Variants in VIPAS39 observed in about 807,000 individuals in gnomAD.
The protein encoded by VIPAS39 is VPS33B interacting protein, apical-basolateral polarity regulator, spe-39 homolog.
A neutral mutation model predicts 84.7 loss-of-function variants in VIPAS39; 63 were observed. The observed-to-expected ratio is 0.74, with a 90% CI of 0.61 to 0.92. The LOEUF is 0.92. Ranked by LOEUF, VIPAS39 falls within the 40% of genes least tolerant of loss-of-function variation. The pLI is 0.00. For synonymous variants in VIPAS39, 192 were observed against 216.5 expected (o/e 0.89, Z 0.99); for missense variants, 499 against 604.5 (o/e 0.83, Z 1.83).
chr14:77,457,475 G>A lies in VIPAS39; in HGVS notation c.-1+20C>T, dbSNP rs1289707218. 3.6e-6 allele frequency: 5 copies of A among 1,405,798 alleles called. No individual in the cohort carries two copies. The African/African-American group carries it at 4.3e-5, about 12-fold the overall frequency. 87.1% of individuals were successfully genotyped at this position (1,405,798 alleles called of 1,614,324 possible). A position where few individuals can be genotyped will look rare whatever the true frequency, so the allele number is the denominator to read the frequency against. Reference sequence around the variant, plus strand: ...GGATCCAGCCAGATACGCGACCCAAGGGGCTTGGGACACCCTCACCTCTTC... The same window carrying A: ...GGATCCAGCCAGATACGCGACCCAAAGGGCTTGGGACACCCTCACCTCTTC... On this transcript the variant is annotated intron_variant, in intron 1 of 19. Coordinates refer to ENST00000557658, the MANE Select transcript of VIPAS39 (RefSeq NM_001193315.2).
intron 7 of VIPAS39, 53 bp from the exon 8 acceptor site, chr14:77,444,394 T>C: frequency 6.7e-7 from 1 of 1,492,346 alleles, no homozygotes; most frequent in Non-Finnish European, 9.3e-7. Context: ...TCTTTATTCC[T>C]TTGTTGCTGG....
intron 11 of VIPAS39, among the ~76,000 whole-genome samples, chr14:77,438,508 C>T (rs200204305): frequency 6.6e-6 from 1 of 152,194 alleles, no homozygotes; most frequent in East Asian, 1.9e-4. Context: ...GGATTACAGG[C>T]GTGAGCCACC....
At chr14:77,431,945 A>G (rs1566722543) in intron 16 of VIPAS39, among the ~76,000 whole-genome samples, 2 of 152,228 alleles carry the variant, frequency 1.3e-5, no homozygotes. Context: ...GAAACAACTT[A>G]AGTGTCCATT....
In VIPAS39 at chr14:77,454,094, C is replaced by T; in HGVS notation, c.9G>A (p.Arg3=). The change falls in exon 2 of 20, where the codon CGG becomes CGA. Residue 3 remains arginine (R), a synonymous_variant. Transcript: ENST00000557658. Reference sequence around the variant, plus strand: ...AATACTCCTCCTCATCACCCTTTGTCCGATTCATCTACAGTGACAGGAAAA... The same window carrying T: ...AATACTCCTCCTCATCACCCTTTGTTCGATTCATCTACAGTGACAGGAAAA... MN[R]TKGDEEEYWN... 1 of 1,614,130 alleles carries T rather than the reference C, an allele frequency of 6.2e-7. No individual in the cohort carries two copies. The highest frequency in any genetic ancestry group is 1.1e-5 in the South Asian group (1 of 91,080).
At chr14:77,443,438 G>C (rs2078734296) in intron 8 of VIPAS39, among the ~76,000 whole-genome samples, 1 of 152,126 alleles carries the variant, frequency 6.6e-6, no homozygotes, top group African/African-American at 2.4e-5. Flanking sequence ...AACCTTGTGT[G>C]TCTTGGTTAC....
At chr14:77,457,393 C>T in intron 1 of VIPAS39, 102 bp downstream of exon 1, 7 of 1,535,596 alleles carry the variant, frequency 4.6e-6, no homozygotes, top group South Asian at 1.2e-5. Flanking sequence ...GGCCTGTAGT[C>T]ATAGGGTGTA....
chr14:77,435,203 A>G, intron 14 of VIPAS39, 56 bp downstream of exon 14: 1 of 1,611,618 alleles, frequency 6.2e-7, no homozygotes, highest in Admixed American at 1.7e-5. Flanking sequence ...CTGGATTTGA[A>G]CTATCTTCTT....
In VIPAS39 at chr14:77,429,055, G is replaced by A. The variant is rs143222977; in HGVS notation, c.1307C>T (p.Thr436Met). The change falls in exon 18 of 20, where the codon ACG (threonine) becomes ATG (methionine). Residue 436 changes from threonine (T) to methionine (M), a missense_variant. Thr to Met is a moderately conservative substitution (Grantham distance 81, BLOSUM62 -1). Coordinates refer to ENST00000557658, the MANE Select transcript of VIPAS39 (RefSeq NM_001193315.2). ...EYVNLVEDVD[T>M]KLNLATKFKC... Reference sequence around the variant, plus strand: ...GAACTTAGTGGCTAAGTTCAACTTCGTGTCCACATCTTCCACCAGATTGAC... The same window carrying A: ...GAACTTAGTGGCTAAGTTCAACTTCATGTCCACATCTTCCACCAGATTGAC... 9.3e-5 allele frequency: 150 copies of A among 1,613,830 alleles called. No individual in the cohort carries two copies. The highest frequency in any genetic ancestry group is 3.3e-4 in the Middle Eastern group (2 of 6,084).
rs528723517 is a variant in VIPAS39 at position 77,451,837 on chromosome 14, T to C, written c.197-504A>G. 2.0e-5 allele frequency among the ~76,000 whole-genome samples: 3 copies of C among 152,310 alleles called. No homozygotes were observed. The East Asian group carries it at 5.8e-4, about 29-fold the overall frequency. ...GGGGAAAGATCCAAAAGCTTGATAA[T>C]ACCGTGTTAGCCAGGCTATAGGGAA... On this transcript the variant is annotated intron_variant, in intron 3 of 19. Transcript: ENST00000557658.
chr14:77,429,998 A>C (rs1028512325), intron 16 of VIPAS39, among the ~76,000 whole-genome samples: 5 of 152,270 alleles, frequency 3.3e-5, no homozygotes, highest in Non-Finnish European at 5.9e-5. Flanking sequence ...TGCAGGGAAA[A>C]GTCTTGAAAT....
chr14:77,435,446 G>C (rs1406793875), intron 13 of VIPAS39, 53 bp from the exon 14 acceptor site: 1 of 1,597,356 alleles, frequency 6.3e-7, no homozygotes, highest in Non-Finnish European at 8.5e-7. Context: ...CCATGGAGTA[G>C]AGGCAGGAGA....
intron 14 of VIPAS39, chr14:77,435,027 A>G: frequency 1.7e-6 from 1 of 581,196 alleles, no homozygotes; most frequent in Non-Finnish European, 3.0e-6. Flanking sequence ...CCAGGGACAG[A>G]ACTTGCTATG....
chr14:77,434,223 T>C (rs753248757), intron 15 of VIPAS39, 39 bp downstream of exon 15: 1 of 1,595,760 alleles, frequency 6.3e-7, no homozygotes, highest in East Asian at 2.2e-5. Context: ...GTAGTTACCC[T>C]GATCACTAGT....
Position 77,431,712 on chromosome 14 carries a change from C to T in VIPAS39, c.1180-1945G>A, listed in dbSNP as rs139938441. The stretch of plus-strand genomic sequence containing the variant: ...AATAAAAATAGAACTATCATATGAC[C>T]CAGTAATCAATCTTTCTTTTGGGTA... On this transcript the variant is annotated intron_variant, in intron 16 of 19. Coordinates refer to ENST00000557658, the MANE Select transcript of VIPAS39 (RefSeq NM_001193315.2). 6.7e-3 allele frequency among the ~76,000 whole-genome samples: 1,023 copies of T among 152,040 alleles called. 4 individuals carry two copies. Among genetic ancestry groups the T allele is most frequent in the Middle Eastern group, 0.048 (14 of 294 alleles).
chr14:77,437,235 G>A (rs149440006), intron 12 of VIPAS39, among the ~76,000 whole-genome samples: 72 of 152,320 alleles, frequency 4.7e-4, no homozygotes, highest in African/African-American at 1.6e-3. Flanking sequence ...TCAGCTTAAC[G>A]TAAGGAAGCA....
Position 77,442,651 on chromosome 14 carries a change from G to C in VIPAS39, c.643C>G (p.Arg215Gly), listed in dbSNP as rs377615868. Residue 215 changes from arginine to glycine, a missense_variant, in exon 10 of 20, where the codon CGA (arginine) becomes GGA (glycine). Coordinates refer to ENST00000557658, the MANE Select transcript of VIPAS39 (RefSeq NM_001193315.2). Reference protein sequence around the residue: ...KRTLSKEILFRELEVRQVALR... With the variant: ...KRTLSKEILFGELEVRQVALR... ...GCAACCTGTCGCACCTCCAGCTCTC[G>C]GAAGAGGATCTCTGTCAGACAGTCA... 5.0e-6 allele frequency: 8 copies of C among 1,613,988 alleles called. No individual in the cohort carries two copies. The highest frequency in any genetic ancestry group is 5.9e-6 in the Non-Finnish European group (7 of 1,180,012).
rs375887503 is a variant in VIPAS39, at chr14:77,448,612, G to A, written c.448-62C>T. 160 of 1,538,902 alleles carry A rather than the reference G, an allele frequency of 1.0e-4. No homozygotes were observed. The African/African-American group carries it at 1.1e-3, about 10-fold the overall frequency. On this transcript the variant is annotated intron_variant, in intron 6 of 19. Coordinates refer to ENST00000557658, the MANE Select transcript of VIPAS39 (RefSeq NM_001193315.2). ...AGGAATCAAATTTATCAGCATACCC[G>A]CTCCTCAACTCAAACTCAGTCTTAG...
chr14:77,429,165 AG>A, intron 17 of VIPAS39, 70 bp from the exon 18 acceptor site: 1 of 1,446,386 alleles, frequency 6.9e-7, no homozygotes, highest in Admixed American at 1.7e-5. Context: ...AAGGTAGAAA[AG>A]AAAGTCCTGA....
At position 77,449,706 on chromosome 14, in the gene VIPAS39, A is replaced by G. The variant is rs761008206; in HGVS notation, c.382+8T>C. The G allele has an allele frequency of 1.4e-5, 23 of 1,614,072 alleles. 2 individuals are homozygous for G. The South Asian group carries it at 2.4e-4, about 17-fold the overall frequency. On this transcript the variant is annotated splice_region_variant and intron_variant, in intron 5 of 19. Transcript: ENST00000557658. ...CCCACAGCAATTAAAAGAGGGTTCA[A>G]TGCCTACCATCAGAAAGGGACTGGA...
Sources: allele counts gnomAD v4.1 joint callset (sites outside exome capture counted in the v4.1 genomes callset), GRCh38; gene constraint gnomAD v4.1.1; transcripts MANE v1.5; gene names NCBI Gene and HGNC (gene_info 2026-07-23, HGNC 2026-07-21).